THSD7B: variants seen among roughly 807,000 people sequenced by gnomAD.
The protein encoded by THSD7B is thrombospondin type-1 domain-containing protein 7B.
A neutral mutation model predicts 213.6 loss-of-function variants in THSD7B; 138 were observed. The observed-to-expected ratio is 0.65, with a 90% CI of 0.56 to 0.74. The LOEUF is 0.74. Ranked by LOEUF, THSD7B falls within the 30% of genes least tolerant of loss-of-function variation. THSD7B has a pLI of 0.00. For synonymous variants in THSD7B, 742 were observed against 687.0 expected (o/e 1.08, Z -1.25); for missense variants, 1,931 against 1,991.5 (o/e 0.97, Z 0.58).
At chr2:137,668,018 AT>A (rs1272226993) in intron 27 of THSD7B, among the ~76,000 whole-genome samples, 157 bp downstream of exon 27, 1 of 152,108 alleles carries the variant, frequency 6.6e-6, no homozygotes, top group Non-Finnish European at 1.5e-5. Context: ...AGGAATCATT[AT>A]TTTTTTGTTC....
chr2:137,049,631 C>A (rs575782116), intron 2 of THSD7B, among the ~76,000 whole-genome samples: 41 of 152,268 alleles, frequency 2.7e-4, no homozygotes, highest in African/African-American at 9.4e-4. Context: ...CTGTGCTAAA[C>A]CCCTGAATCT....
chr2:136,994,153 T>A (rs1382333137), intron 2 of THSD7B, among the ~76,000 whole-genome samples: 1 of 152,172 alleles, frequency 6.6e-6, no homozygotes, highest in East Asian at 1.9e-4. Flanking sequence ...TAGGTGAATT[T>A]GGAAAGAAAT....
At chr2:137,040,822 G>T (rs560714203) in intron 2 of THSD7B, among the ~76,000 whole-genome samples, 3 of 152,146 alleles carry the variant, frequency 2.0e-5, no homozygotes, top group Non-Finnish European at 4.4e-5. Context: ...CAGAATAAAA[G>T]AAAAGCTCAA....
At chr2:137,162,243 C>T (rs972105122) in intron 6 of THSD7B, among the ~76,000 whole-genome samples, 1 of 152,168 alleles carries the variant, frequency 6.6e-6, no homozygotes, top group African/African-American at 2.4e-5. Flanking sequence ...CTCTCTCTCT[C>T]CATCTCTTGT....
At chr2:137,394,064 C>G (rs1402885558) in intron 12 of THSD7B, among the ~76,000 whole-genome samples, 1 of 126,776 alleles carries the variant, frequency 7.9e-6, no homozygotes, top group East Asian at 2.1e-4. Flanking sequence ...GATATTAGCC[C>G]TTTGTCAGAT....
intron 12 of THSD7B, among the ~76,000 whole-genome samples, chr2:137,362,222 T>A (rs1347987723): frequency 6.6e-6 from 1 of 151,994 alleles, no homozygotes; most frequent in Non-Finnish European, 1.5e-5. Context: ...TTACGAGAAC[T>A]CCTGAAGGAA....
At chr2:136,842,251 TA>T (rs1447194289) in intron 1 of THSD7B, among the ~76,000 whole-genome samples, 4 of 152,212 alleles carry the variant, frequency 2.6e-5, no homozygotes, top group African/African-American at 9.7e-5. Flanking sequence ...TGCGCTGGGT[TA>T]TTTTATAGGT....
intron 3 of THSD7B, among the ~76,000 whole-genome samples, chr2:137,063,387 T>A (rs1687315763): frequency 6.6e-6 from 1 of 151,968 alleles, no homozygotes; most frequent in Non-Finnish European, 1.5e-5. Flanking sequence ...TTTTATTTAA[T>A]TTTTAGCTGT....
intron 10 of THSD7B, among the ~76,000 whole-genome samples, chr2:137,243,015 A>G (rs1681945976): frequency 6.6e-6 from 1 of 152,228 alleles, no homozygotes; most frequent in Non-Finnish European, 1.5e-5. Flanking sequence ...AAGAGCAGAT[A>G]CATTACAAAG....
intron 18 of THSD7B, among the ~76,000 whole-genome samples, chr2:137,617,003 A>G (rs1682399489): frequency 1.3e-5 from 2 of 151,848 alleles, no homozygotes; most frequent in South Asian, 4.2e-4. Flanking sequence ...ACATGCCTGC[A>G]GAGGCAAAGC....
intron 3 of THSD7B, among the ~76,000 whole-genome samples, chr2:137,080,367 GT>G (rs70975798): frequency 0.18 from 17,858 of 97,780 alleles, 1,870 homozygotes; most frequent in African/African-American, 0.35. Flanking sequence ...ATGCCCAGCT[GT>G]TTTTTTTTTT....
At chr2:137,651,058 G>T (rs1373698927) in intron 21 of THSD7B, among the ~76,000 whole-genome samples, 1 of 152,038 alleles carries the variant, frequency 6.6e-6, no homozygotes, top group East Asian at 1.9e-4. Context: ...GCCCGTTTCT[G>T]GTCTTGGATC....
In THSD7B at chr2:137,331,398, C is replaced by T. The variant is rs535185626; in HGVS notation, c.2500+55372C>T. Among the ~76,000 whole-genome samples the T allele has an allele frequency of 2.2e-3, 341 of 152,154 alleles. 2 individuals are homozygous for T. The highest frequency in any genetic ancestry group is 0.02 in the Middle Eastern group (6 of 294). Reference sequence around the variant, plus strand: ...GCTAGATACAGAGTGTTGATTGGTGCACTCACAAACCCTGAGCTAGACACA... The same window carrying T: ...GCTAGATACAGAGTGTTGATTGGTGTACTCACAAACCCTGAGCTAGACACA... On this transcript the variant is annotated intron_variant, in intron 12 of 27. Coordinates refer to ENST00000409968, the MANE Select transcript of THSD7B (RefSeq NM_001316349.2).
chr2:137,653,982 G>A (rs370852617), intron 21 of THSD7B, among the ~76,000 whole-genome samples: 2 of 151,666 alleles, frequency 1.3e-5, no homozygotes, highest in South Asian at 2.1e-4. Flanking sequence ...TTTAATGGAC[G>A]TACCTCTCTG....
rs1683247329 is a variant in THSD7B, at chr2:137,656,924, C to A, written c.4234C>A (p.Gln1412Lys). Residue 1412 changes from glutamine (Q) to lysine (K), a missense_variant, in exon 23 of 28, where the codon CAA becomes AAA. By Grantham distance (53) the Gln-to-Lys change is moderately conservative. Coordinates refer to ENST00000409968, the MANE Select transcript of THSD7B (RefSeq NM_001316349.2). ...RTFIIQSFEN[Q>K]DSCPQQVLET... ...TTTTATAATTCAGTCTTTTGAGAACCAAGACAGCTGCCCCCAACAGGTTCT... is the reference window on the plus strand; with the variant it reads ...TTTTATAATTCAGTCTTTTGAGAACAAAGACAGCTGCCCCCAACAGGTTCT... 1.9e-6 allele frequency: 3 copies of A among 1,613,904 alleles called. No homozygotes were observed. The African/African-American group carries it at 4.0e-5, about 22-fold the overall frequency.
intron 17 of THSD7B, among the ~76,000 whole-genome samples, chr2:137,581,783 A>AAAT (rs1164642921): frequency 6.8e-6 from 1 of 147,518 alleles, no homozygotes; most frequent in Non-Finnish European, 1.5e-5. Context: ...AAAAAAAAAA[A>AAAT]AATAATAATA....
chr2:136,894,865 T>C (rs1310577285), intron 2 of THSD7B, among the ~76,000 whole-genome samples: 1 of 152,212 alleles, frequency 6.6e-6, no homozygotes, highest in Non-Finnish European at 1.5e-5. Context: ...ACTTTAGCTG[T>C]TTCAAATATT....
chr2:136,955,703 AG>A (rs1352015062), intron 2 of THSD7B, among the ~76,000 whole-genome samples: 1 of 152,218 alleles, frequency 6.6e-6, no homozygotes, highest in Non-Finnish European at 1.5e-5. Flanking sequence ...GGCAATCGTG[AG>A]GGCATTTCAT....
chr2:137,123,677 T>G (rs1688583362), intron 5 of THSD7B, among the ~76,000 whole-genome samples: 2 of 152,164 alleles, frequency 1.3e-5, no homozygotes, highest in Admixed American at 1.3e-4. Context: ...TTTTAAGGAT[T>G]TATTGCAATA....
Sources: allele counts gnomAD v4.1 joint callset (sites outside exome capture counted in the v4.1 genomes callset), GRCh38; gene constraint gnomAD v4.1.1; transcripts MANE v1.5; gene names NCBI Gene and HGNC (gene_info 2026-07-23, HGNC 2026-07-21).